SEPTIN7: variants seen among roughly 807,000 people sequenced by gnomAD.
SEPTIN7 encodes septin-7.
In SEPTIN7, 10 loss-of-function variants were observed where a neutral mutation model predicts 63.3. That is an observed-to-expected ratio of 0.16 (90% CI 0.10 to 0.27). The LOEUF is 0.27. Ranked by LOEUF, SEPTIN7 falls within the 10% of genes least tolerant of loss-of-function variation. The pLI is 1.00. For missense variants in SEPTIN7, 310 were observed against 521.0 expected (o/e 0.59, Z 3.94); for synonymous variants, 131 against 165.3 (o/e 0.79, Z 1.59).
chr7:35,827,427 A>C (rs1783572407), intron 1 of SEPTIN7, among the ~76,000 whole-genome samples: 1 of 152,216 alleles, frequency 6.6e-6, no homozygotes, highest in Non-Finnish European at 1.5e-5. Flanking sequence ...TGATTTTAGA[A>C]TTTAGGGTAT....
intron 3 of SEPTIN7, among the ~76,000 whole-genome samples, chr7:35,849,012 G>A (rs1396803049): frequency 6.6e-6 from 1 of 152,180 alleles, no homozygotes; most frequent in Non-Finnish European, 1.5e-5. Context: ...CAGCAGAATT[G>A]TTAGTTCTTA....
At chr7:35,831,964 A>G (rs1783854275) in intron 2 of SEPTIN7, 7 of 321,872 alleles carry the variant, frequency 2.2e-5, no homozygotes, top group South Asian at 1.7e-4. Context: ...ACTGCCTCCA[A>G]AGTAAAATTA....
intron 1 of SEPTIN7, among the ~76,000 whole-genome samples, chr7:35,829,686 AATTC>A (rs1451426559): frequency 1.3e-5 from 2 of 152,172 alleles, no homozygotes; most frequent in African/African-American, 4.8e-5. Context: ...CCATTTATGT[AATTC>A]ATTCAATCTC....
chr7:35,886,306 A>G (rs778803453), intron 10 of SEPTIN7, among the ~76,000 whole-genome samples: 8 of 152,240 alleles, frequency 5.3e-5, no homozygotes, highest in Non-Finnish European at 1.0e-4. Flanking sequence ...GTACTGGAAC[A>G]TAGTGAATAA....
chr7:35,914,310 C>A, the SEPTIN7 span, among the ~76,000 whole-genome samples: 1 of 152,144 alleles, frequency 6.6e-6, no homozygotes, highest in Non-Finnish European at 1.5e-5. Context: ...TGGCTGAATA[C>A]TATCTTAGAT....
intron 1 of SEPTIN7, among the ~76,000 whole-genome samples, chr7:35,824,570 T>C (rs1161560084): frequency 2.6e-5 from 4 of 152,228 alleles, no homozygotes; most frequent in Admixed American, 6.5e-5. Context: ...AAGTCCACCT[T>C]AACTCAGATG....
chr7:35,836,410 A>G (rs190739776), intron 3 of SEPTIN7, among the ~76,000 whole-genome samples: 70 of 152,368 alleles, frequency 4.6e-4, no homozygotes, highest in African/African-American at 1.5e-3. Flanking sequence ...CTAGGAAGAT[A>G]GAATCCAAAA....
In SEPTIN7 at chr7:35,854,061, A is replaced by G. The variant is rs140432150; in HGVS notation, c.170-9491A>G. Among the ~76,000 whole-genome samples, 246 of 152,316 alleles carry G rather than the reference A, an allele frequency of 1.6e-3. 2 individuals carry two copies. Among genetic ancestry groups the G allele is most frequent in the African/African-American group, 5.7e-3 (236 of 41,562 alleles). ...ACTTTGAGTGCTGACGTGATGCTCA[A>G]AGGAAATGCTCATTGAACCAGTTTT... is the stretch of plus-strand genomic sequence containing the variant. On this transcript the variant is annotated intron_variant, in intron 3 of 13. Coordinates refer to ENST00000350320, the MANE Select transcript of SEPTIN7 (RefSeq NM_001788.6).
Position 35,890,653 on chromosome 7 carries a change from G to T in SEPTIN7, c.873-15G>T, listed in dbSNP as rs1787579379. 5 of 1,452,388 alleles carry T rather than the reference G, an allele frequency of 3.4e-6. No homozygotes were observed. Among genetic ancestry groups the T allele is most frequent in the Admixed American group, 2.5e-5 (1 of 40,262 alleles). 90.0% of individuals were successfully genotyped at this position (1,452,388 alleles called of 1,614,324 possible). ...CTATTAATAGAAGCAAACTCTTGCT[G>T]TTTGTTTATGACAGAACACACATGC... On this transcript the variant is annotated splice_polypyrimidine_tract_variant and intron_variant, in intron 10 of 13. Coordinates refer to ENST00000350320, the MANE Select transcript of SEPTIN7 (RefSeq NM_001788.6).
At chr7:35,809,173 CTG>C (rs1028982563) in intron 1 of SEPTIN7, among the ~76,000 whole-genome samples, 2 of 152,162 alleles carry the variant, frequency 1.3e-5, no homozygotes, top group African/African-American at 4.8e-5. Context: ...ACTGGGGAAA[CTG>C]AATTAAATGC....
intron 3 of SEPTIN7, 130 bp downstream of exon 3, chr7:35,833,030 T>G: frequency 1.7e-6 from 1 of 598,820 alleles, no homozygotes; most frequent in East Asian, 2.7e-5. Flanking sequence ...TTTTCTCTTA[T>G]GTGCATACAT....
chr7:35,835,421 A>G (rs960188670), intron 3 of SEPTIN7, among the ~76,000 whole-genome samples: 1 of 152,142 alleles, frequency 6.6e-6, no homozygotes, highest in Admixed American at 6.6e-5. Flanking sequence ...CAACAGCCCT[A>G]TGAAGTAGGT....
intron 3 of SEPTIN7, among the ~76,000 whole-genome samples, chr7:35,861,400 T>G (rs1239156018): frequency 2.0e-5 from 3 of 152,194 alleles, no homozygotes; most frequent in Non-Finnish European, 4.4e-5. Flanking sequence ...AAGAGTCACC[T>G]CTCTTCAGTT....
At chr7:35,904,135 GA>G in intron 13 of SEPTIN7, 118 bp from the exon 14 acceptor site, 1 of 611,852 alleles carries the variant, frequency 1.6e-6, no homozygotes, top group Non-Finnish European at 2.6e-6. Context: ...TTTTTTCAGT[GA>G]AAAAGTAGTA....
chr7:35,847,629 T>C (rs1366633581), intron 3 of SEPTIN7, among the ~76,000 whole-genome samples: 3 of 152,246 alleles, frequency 2.0e-5, no homozygotes, highest in Non-Finnish European at 4.4e-5. Flanking sequence ...TTGAAACTTT[T>C]TTTGCCTAGC....
At chr7:35,855,618 A>G (rs2116089699) in intron 3 of SEPTIN7, among the ~76,000 whole-genome samples, 1 of 152,222 alleles carries the variant, frequency 6.6e-6, no homozygotes, top group African/African-American at 2.4e-5. Context: ...TATTTGAGTA[A>G]TTTTCACATA....
chr7:35,895,352 T>C (rs529210570), intron 11 of SEPTIN7, among the ~76,000 whole-genome samples: 11 of 152,210 alleles, frequency 7.2e-5, no homozygotes, highest in Non-Finnish European at 1.5e-4. Flanking sequence ...TCATTTTTAC[T>C]GGTGAGAGAC....
intron 1 of SEPTIN7, among the ~76,000 whole-genome samples, chr7:35,825,381 G>T (rs917562105): frequency 6.6e-6 from 1 of 152,050 alleles, no homozygotes; most frequent in African/African-American, 2.4e-5. Context: ...GGAACCATAC[G>T]CTCTTCTTGC....
intron 10 of SEPTIN7, among the ~76,000 whole-genome samples, chr7:35,888,318 T>C (rs1292050293): frequency 6.6e-6 from 1 of 152,208 alleles, no homozygotes; most frequent in Non-Finnish European, 1.5e-5. Flanking sequence ...CAGAATTATG[T>C]AGTCGTATAG....
Sources: gnomAD v4.1 joint callset for allele counts (sites outside exome capture counted in the v4.1 genomes callset) on GRCh38, gnomAD v4.1.1 for gene constraint, MANE v1.5 for transcripts, NCBI Gene and HGNC (gene_info 2026-07-23, HGNC 2026-07-21) for gene names.